RAB3GAP2: variants seen among roughly 807,000 people sequenced by gnomAD.
RAB3GAP2 encodes RAB3 GTPase activating non-catalytic protein subunit 2.
Under a neutral mutation model 185.3 loss-of-function variants are expected in RAB3GAP2, and 87 were observed. The ratio of observed to expected loss-of-function variants is 0.47; its 90% CI spans 0.39 to 0.56. The LOEUF is 0.56. Among genes scored for constraint, RAB3GAP2 ranks in the 20% least tolerant of loss-of-function variants. The probability of loss-of-function intolerance (pLI) is 0.00; values close to 1 mark genes in which losing one functional copy is unlikely to be tolerated. For missense variants in RAB3GAP2, 1,492 were observed against 1,638.2 expected (o/e 0.91, Z 1.54); for synonymous variants, 554 against 576.1 (o/e 0.96, Z 0.55).
chr1:220,186,867 A>T (rs1658516676), intron 17 of RAB3GAP2, among the ~76,000 whole-genome samples: 1 of 152,132 alleles, frequency 6.6e-6, no homozygotes, highest in Non-Finnish European at 1.5e-5. Flanking sequence ...AATGAGAAGA[A>T]CCGTGTGGGT....
At chr1:220,247,624 TAA>T (rs971077578) in intron 1 of RAB3GAP2, among the ~76,000 whole-genome samples, 1 of 152,134 alleles carries the variant, frequency 6.6e-6, no homozygotes, top group African/African-American at 2.4e-5. Flanking sequence ...AGATGAAGGA[TAA>T]AAGACTACAT....
intron 7 of RAB3GAP2, chr1:220,207,725 T>C (rs1658995571): frequency 6.6e-6 from 1 of 152,280 alleles, no homozygotes; most frequent in Non-Finnish European, 1.5e-5. Context: ...CAAAACCAGG[T>C]AGTCTTCCTG....
chr1:220,259,314 A>G (rs1300250567), intron 1 of RAB3GAP2, among the ~76,000 whole-genome samples: 1 of 152,166 alleles, frequency 6.6e-6, no homozygotes, highest in Non-Finnish European at 1.5e-5. Flanking sequence ...GAGGCATCAC[A>G]CTACCTTATT....
rs374849440 is a variant in RAB3GAP2, at chr1:220,267,219, A to C, written c.115+5004T>G. ...TTGCCAATTCTGTGATATAAGTAGC[A>C]GTTCTCTGCTCATCAAACTTTGAAA... On this transcript the variant is annotated intron_variant, in intron 1 of 34. Coordinates refer to ENST00000358951, the MANE Select transcript of RAB3GAP2 (RefSeq NM_012414.4). 246 of 908,408 alleles carry C rather than the reference A, an allele frequency of 2.7e-4. No homozygotes were observed. In the African/African-American group the frequency reaches 3.6e-3, roughly 13 times the overall value. 56.3% of individuals were successfully genotyped at this position (908,408 alleles called of 1,614,324 possible).
chr1:220,216,706 A>G (rs1659207901), intron 2 of RAB3GAP2, among the ~76,000 whole-genome samples: 1 of 152,174 alleles, frequency 6.6e-6, no homozygotes, highest in African/African-American at 2.4e-5. Flanking sequence ...CTCCATCTCA[A>G]TGCAATAAAA....
At position 220,196,295 on chromosome 1, in the gene RAB3GAP2, G is replaced by A. The variant is rs760915102; in HGVS notation, c.915C>T (p.Ile305=). 1 of 1,612,806 alleles carries A rather than the reference G, an allele frequency of 6.2e-7. No individual in the cohort carries two copies. The highest frequency in any genetic ancestry group is 8.5e-7 in the Non-Finnish European group (1 of 1,178,948). ...KNSPPAMSQY[I]TVGSNPFTGF... is the part of the protein sequence containing the mutation. ...CAGTAAATGGATTGGACCCTACAGT[G>A]ATATACTGAGACATGGCAGGTGGAC... The change falls in exon 10 of 35, where the codon ATC becomes ATT. Residue 305 remains isoleucine, a synonymous_variant. Coordinates refer to ENST00000358951, the MANE Select transcript of RAB3GAP2 (RefSeq NM_012414.4).
At position 220,172,855 on chromosome 1, in the gene RAB3GAP2, GA is replaced by G. The variant is rs1558144153; in HGVS notation, c.2311-114del. 5.6e-6 allele frequency: 4 copies of G among 711,970 alleles called. No homozygotes were observed. In the African/African-American group the frequency reaches 7.1e-5, roughly 13 times the overall value. 44.1% of individuals were successfully genotyped at this position (711,970 alleles called of 1,614,324 possible). A position where few individuals can be genotyped will look rare whatever the true frequency, so the allele number is the denominator to read the frequency against. On this transcript the variant is annotated intron_variant, in intron 21 of 34. Coordinates refer to ENST00000358951, the MANE Select transcript of RAB3GAP2 (RefSeq NM_012414.4). ...TATGGATGATGCAGCTTCTTGAGGT[GA>G]AAAAATTAGTGGTTGCTTGCTGTAT...
intron 1 of RAB3GAP2, among the ~76,000 whole-genome samples, chr1:220,246,844 G>A (rs1407259656): frequency 4.0e-5 from 6 of 149,380 alleles, no homozygotes; most frequent in East Asian, 2.0e-4. Flanking sequence ...TGGGTGCAGC[G>A]CACCAGCATG....
intron 2 of RAB3GAP2, among the ~76,000 whole-genome samples, chr1:220,214,810 C>A (rs139956084): frequency 5.8e-4 from 88 of 151,364 alleles, no homozygotes; most frequent in African/African-American, 2.1e-3. Flanking sequence ...TTTGAAAAAT[C>A]TCTTATACTC....
chr1:220,189,587 A>C, intron 17 of RAB3GAP2, 116 bp downstream of exon 17: 2 of 1,009,350 alleles, frequency 2.0e-6, no homozygotes, highest in Non-Finnish European at 2.8e-6. Context: ...AACAATAAAA[A>C]TGTGAAAAGA....
intron 1 of RAB3GAP2, 123 bp from the exon 2 acceptor site, chr1:220,232,986 G>A: frequency 1.3e-6 from 1 of 771,906 alleles, no homozygotes. Flanking sequence ...AAGAAAATAA[G>A]GGTAAACTGT....
chr1:220,157,681 A>G (rs1657883826), intron 30 of RAB3GAP2, 121 bp downstream of exon 30: 1 of 1,106,500 alleles, frequency 9.0e-7, no homozygotes, highest in African/African-American at 1.6e-5. Flanking sequence ...GCTCAAGTCA[A>G]AATTTAGAAA....
intron 1 of RAB3GAP2, among the ~76,000 whole-genome samples, chr1:220,236,104 C>T (rs1161574336): frequency 1.3e-5 from 2 of 152,182 alleles, no homozygotes; most frequent in African/African-American, 4.8e-5. Context: ...AGAATGCATT[C>T]CAAATTATAG....
chr1:220,167,811 A>G, intron 24 of RAB3GAP2, 136 bp from the exon 25 acceptor site: 1 of 963,654 alleles, frequency 1.0e-6, no homozygotes. Flanking sequence ...CGAAAAAGCC[A>G]TGAGATTTAC....
intron 27 of RAB3GAP2, among the ~76,000 whole-genome samples, chr1:220,163,023 A>G (rs1349931411): frequency 6.6e-6 from 1 of 152,206 alleles, no homozygotes; most frequent in East Asian, 1.9e-4. Context: ...ACATGGCTAT[A>G]GTCGCACTCG....
At chr1:220,252,707 CAGG>C (rs138973789) in intron 1 of RAB3GAP2, among the ~76,000 whole-genome samples, 36,666 of 151,990 alleles carry the variant, frequency 0.24, 4,768 homozygotes, top group East Asian at 0.34. Flanking sequence ...TTCCATGGAT[CAGG>C]AGATCTCCTC....
chr1:220,267,290 G>C, intron 1 of RAB3GAP2: 3 of 945,730 alleles, frequency 3.2e-6, no homozygotes, highest in Non-Finnish European at 5.2e-6. Flanking sequence ...GTATATTCCA[G>C]AATTAGGTAG....
At chr1:220,175,308 C>G (rs1658266434) in intron 21 of RAB3GAP2, among the ~76,000 whole-genome samples, 1 of 151,988 alleles carries the variant, frequency 6.6e-6, no homozygotes. Flanking sequence ...CTCACGACAG[C>G]CTCCGCCTCC....
At chr1:220,204,220 T>C (rs1440603358) in intron 8 of RAB3GAP2, among the ~76,000 whole-genome samples, 1 of 152,304 alleles carries the variant, frequency 6.6e-6, no homozygotes, top group East Asian at 1.9e-4. Context: ...TTGGTATGAT[T>C]GGCAAAAATT....
Sources: allele counts gnomAD v4.1 joint callset (sites outside exome capture counted in the v4.1 genomes callset), GRCh38; gene constraint gnomAD v4.1.1; transcripts MANE v1.5; gene names NCBI Gene and HGNC (gene_info 2026-07-23, HGNC 2026-07-21).